PFKP: variants seen among roughly 807,000 people sequenced by gnomAD.
The protein encoded by PFKP is ATP-dependent 6-phosphofructokinase, platelet type.
In PFKP, 101 loss-of-function variants were observed where a neutral mutation model predicts 94.3. The ratio of observed to expected loss-of-function variants is 1.07; its 90% CI spans 0.91 to 1.26. The LOEUF (loss-of-function observed/expected upper bound fraction) is 1.26. Among genes scored for constraint, PFKP ranks in the 50% most tolerant of loss-of-function variants. The pLI, the probability that PFKP is intolerant of heterozygous loss-of-function variation, is 0.00. For missense variants in PFKP, 1,145 were observed against 1,103.3 expected (o/e 1.04, Z -0.53); for synonymous variants, 573 against 432.6 (o/e 1.32, Z -4.03).
In PFKP at chr10:3,132,382, C is replaced by A; in HGVS notation, c.1851C>A (p.Ser617=). Residue 617 remains serine, a splice_region_variant and synonymous_variant, in exon 18 of 22, where the codon TCC becomes TCA. Coordinates refer to ENST00000381125, the MANE Select transcript of PFKP (RefSeq NM_002627.5). ...ATTAACAAAATACTCTCTTCCAGTC[C>A]AACGTGGAGCACCTGACGGAGAAAA... ...EEPFDIRDLQ[S]NVEHLTEKMK... 1.9e-6 allele frequency: 3 copies of A among 1,607,880 alleles called. No homozygotes were observed. Among genetic ancestry groups the A allele is most frequent in the South Asian group, 1.1e-5 (1 of 90,938 alleles).
At chr10:3,067,950 C>A (rs868000728) in intron 1 of PFKP, among the ~76,000 whole-genome samples, 24 of 152,306 alleles carry the variant, frequency 1.6e-4, no homozygotes, top group Middle Eastern at 3.4e-3. Context: ...GGCGAGGCAG[C>A]CCCGGGGTCC....
chr10:3,124,069 C>T (rs532323777), intron 16 of PFKP, among the ~76,000 whole-genome samples: 55 of 151,652 alleles, frequency 3.6e-4, no homozygotes, highest in Admixed American at 9.2e-4. Context: ...ACCCACTGTC[C>T]GAAGCCCTCG....
chr10:3,133,380 T>A, intron 19 of PFKP, 66 bp downstream of exon 19: 1 of 1,022,120 alleles, frequency 9.8e-7, no homozygotes, highest in South Asian at 1.3e-5. Context: ...GATTAGTGTC[T>A]TATTTTAGCC....
At chr10:3,076,039 A>AC (rs1272145795) in intron 1 of PFKP, among the ~76,000 whole-genome samples, 6 of 140,618 alleles carry the variant, frequency 4.3e-5, no homozygotes, top group Admixed American at 1.5e-4. Flanking sequence ...AAAAAAAAAA[A>AC]AGTAAAAACC....
intron 1 of PFKP, among the ~76,000 whole-genome samples, chr10:3,079,706 G>T (rs1832897517): frequency 6.8e-6 from 1 of 146,598 alleles, no homozygotes; most frequent in Admixed American, 7.1e-5. Flanking sequence ...CCGCCATTGG[G>T]TCTTAGTTGT....
Position 3,115,332 on chromosome 10 carries a change from G to C in PFKP, c.1372-1444G>C, listed in dbSNP as rs543486941. On this transcript the variant is annotated intron_variant, in intron 13 of 21. Coordinates refer to ENST00000381125, the MANE Select transcript of PFKP (RefSeq NM_002627.5). ...GGGGTGAAAGTGTGTGTCCCACGGC[G>C]GAGGACAGGACTGGGGATGCTGGAG... Among the ~76,000 whole-genome samples the C allele has an allele frequency of 1.3e-3, 160 of 119,718 alleles. 15 individuals carry two copies. The highest frequency in any genetic ancestry group is 4.6e-3 in the African/African-American group (150 of 32,646). The allele number at this position is 119,718 out of a possible 152,430, so 78.5% of individuals were successfully genotyped here.
chr10:3,103,935 C>T lies in PFKP; in HGVS notation c.611C>T (p.Thr204Met), dbSNP rs775508957. ...IIEVVDAIMT[T>M]AQSHQRTFVL... ...GAGGTCGTCGACGCCATCATGACCA[C>T]GGCCCAGAGGTAAAGCGCTCAGAGG... Residue 204 changes from threonine to methionine, a missense_variant, in exon 5 of 22, where the codon ACG (threonine) becomes ATG (methionine). Coordinates refer to ENST00000381125, the MANE Select transcript of PFKP (RefSeq NM_002627.5). 1.4e-5 allele frequency: 22 copies of T among 1,613,384 alleles called. No individual in the cohort carries two copies. The highest frequency in any genetic ancestry group is 4.0e-5 in the African/African-American group (3 of 74,920).
intron 17 of PFKP, 116 bp from the exon 18 acceptor site, chr10:3,132,264 C>G: frequency 1.4e-6 from 1 of 721,030 alleles, no homozygotes. Flanking sequence ...GAGCTGCAGC[C>G]TCCTTGGCCA....
At chr10:3,074,504 G>A (rs1832436344) in intron 1 of PFKP, among the ~76,000 whole-genome samples, 1 of 152,152 alleles carries the variant, frequency 6.6e-6, no homozygotes, top group Non-Finnish European at 1.5e-5. Flanking sequence ...GGGGAGGGGA[G>A]GCCACAAGTT....
At chr10:3,076,140 G>A (rs73578836) in intron 1 of PFKP, among the ~76,000 whole-genome samples, 29,955 of 151,574 alleles carry the variant, frequency 0.2, 3,184 homozygotes, top group East Asian at 0.32. Flanking sequence ...ACTGTTTTCC[G>A]TAGTAAGTCT....
chr10:3,109,537 T>G (rs976659930), intron 10 of PFKP, 57 bp downstream of exon 10: 104 of 1,577,976 alleles, frequency 6.6e-5, no homozygotes, highest in Middle Eastern at 1.7e-4. Flanking sequence ...CAGAAGCTGC[T>G]TGTCAGGCCA....
chr10:3,125,726 G>A (rs937030878), intron 16 of PFKP, among the ~76,000 whole-genome samples: 1 of 152,224 alleles, frequency 6.6e-6, no homozygotes, highest in East Asian at 1.9e-4. Context: ...CTGGGCAGGC[G>A]GTTTCACCAA....
At position 3,132,408 on chromosome 10, in the gene PFKP, T is replaced by C; in HGVS notation, c.1877T>C (p.Met626Thr). The change falls in exon 18 of 22, where the codon ATG becomes ACG. Residue 626 changes from methionine to threonine, a missense_variant. Met to Thr is a moderately conservative substitution (Grantham distance 81, BLOSUM62 -1). Around this residue, in one of 3 missense-constraint regions of PFKP, gnomAD observed 1,119 missense variants for 1,062.8 expected, o/e 1.05. Coordinates refer to ENST00000381125, the MANE Select transcript of PFKP (RefSeq NM_002627.5). ...AACGTGGAGCACCTGACGGAGAAAATGAAGACCACCATCCAGAGAGGCCTT... is the reference window on the plus strand; with the variant it reads ...AACGTGGAGCACCTGACGGAGAAAACGAAGACCACCATCCAGAGAGGCCTT... ...QSNVEHLTEKMKTTIQRGLVL... is the reference protein window; with the variant it reads ...QSNVEHLTEKTKTTIQRGLVL... 1 of 1,613,018 alleles carries C rather than the reference T, an allele frequency of 6.2e-7. No homozygotes were observed. The highest frequency in any genetic ancestry group is 8.5e-7 in the Non-Finnish European group (1 of 1,179,090).
chr10:3,107,659 C>G, intron 8 of PFKP: 1 of 816,346 alleles, frequency 1.2e-6, no homozygotes, highest in Non-Finnish European at 1.5e-6. Context: ...GGCAGCCGAC[C>G]CGGGCTTCTG....
At chr10:3,109,581 A>G in intron 10 of PFKP, 101 bp downstream of exon 10, 6 of 1,406,710 alleles carry the variant, frequency 4.3e-6, no homozygotes, top group Non-Finnish European at 5.8e-6. Flanking sequence ...TCGGTGCACG[A>G]TGCATTACAC....
At chr10:3,106,097 C>CTG (rs1835524825) in intron 7 of PFKP, among the ~76,000 whole-genome samples, 1 of 127,612 alleles carries the variant, frequency 7.8e-6, no homozygotes, top group South Asian at 2.6e-4. Context: ...CTGCTGGAGC[C>CTG]TGTGTGCAAT....
rs557405937 is a variant in PFKP, at chr10:3,122,843, C to G, written c.1683+2799C>G. Among the ~76,000 whole-genome samples the G allele has an allele frequency of 2.6e-5, 4 of 152,308 alleles. No individual in the cohort carries two copies. In the East Asian group the frequency reaches 7.7e-4, roughly 29 times the overall value. On this transcript the variant is annotated intron_variant, in intron 16 of 21. Coordinates refer to ENST00000381125, the MANE Select transcript of PFKP (RefSeq NM_002627.5). ...ATGTTTGCAACGTCCAGGGAGGTTT[C>G]TGGTTAGAAGTGGGAAAAGGGATGC...
chr10:3,119,635 C>G (rs549265063), intron 15 of PFKP, among the ~76,000 whole-genome samples: 2 of 152,192 alleles, frequency 1.3e-5, no homozygotes, highest in East Asian at 3.9e-4. Flanking sequence ...AAGTAAGAAC[C>G]TCAGAAATGA....
At chr10:3,126,189 G>C (rs1837924923) in intron 16 of PFKP, among the ~76,000 whole-genome samples, 1 of 152,224 alleles carries the variant, frequency 6.6e-6, no homozygotes, top group South Asian at 2.1e-4. Context: ...CTGAGTTACA[G>C]TGCAGGGAAG....
Sources: allele counts gnomAD v4.1 joint callset (sites outside exome capture counted in the v4.1 genomes callset), GRCh38; gene constraint gnomAD v4.1.1; regional missense constraint gnomAD v4.1.1; transcripts MANE v1.5; gene names NCBI Gene and HGNC (gene_info 2026-07-23, HGNC 2026-07-21).